The following TJP2 variants were observed in gnomAD, a reference collection of about 807,000 sequenced individuals.
TJP2 encodes tight junction protein 2.
TJP2 carries 91 observed loss-of-function variants against 133.1 expected under a neutral mutation model. The observed-to-expected ratio is 0.68, with a 90% CI of 0.58 to 0.81. The LOEUF (loss-of-function observed/expected upper bound fraction) is 0.81, where lower values mean the gene tolerates loss of function less well. TJP2 is among the 40% of genes least tolerant of loss of function. The pLI is 0.00. For synonymous variants in TJP2, 592 were observed against 583.4 expected (o/e 1.01, Z -0.21); for missense variants, 1,541 against 1,565.6 (o/e 0.98, Z 0.26).
intron 1 of TJP2, among the ~76,000 whole-genome samples, chr9:69,141,444 C>T (rs1587896110): frequency 6.6e-6 from 1 of 151,444 alleles, no homozygotes; most frequent in East Asian, 2.0e-4. Flanking sequence ...TCCCTGTACC[C>T]TCCAGCCAGC....
intron 2 of TJP2, among the ~76,000 whole-genome samples, chr9:69,153,855 G>A (rs1338527927): frequency 6.6e-6 from 1 of 152,194 alleles, no homozygotes; most frequent in Non-Finnish European, 1.5e-5. Context: ...TCTTTCATGT[G>A]TAAACACTTA....
chr9:69,208,570 A>G (rs999242417), intron 1 of TJP2, among the ~76,000 whole-genome samples: 10 of 152,236 alleles, frequency 6.6e-5, no homozygotes, highest in African/African-American at 1.2e-4. Context: ...GAACTCATTT[A>G]TTTGGCTAAA....
In TJP2 at chr9:69,254,821, C is replaced by T; in HGVS notation, c.*447C>T. 4 of 464,272 alleles carry T rather than the reference C, an allele frequency of 8.6e-6. No individual in the cohort carries two copies. Among genetic ancestry groups the T allele is most frequent in the Non-Finnish European group, 1.5e-5 (4 of 265,698 alleles). 28.8% of individuals were successfully genotyped at this position (464,272 alleles called of 1,614,324 possible). ...TTCAAAGAAGTACTTTATTGCAACT[C>T]TTTTAAGTGCCTTGGATGAGAAGTG... On this transcript the variant is annotated 3_prime_UTR_variant, in exon 23 of 23. Coordinates refer to ENST00000377245, the MANE Select transcript of TJP2 (RefSeq NM_004817.4).
At chr9:69,238,584 T>TC (rs1830361302) in intron 15 of TJP2, 126 bp from the exon 16 acceptor site, 1 of 779,932 alleles carries the variant, frequency 1.3e-6, no homozygotes, top group Admixed American at 2.0e-5. Flanking sequence ...TGTGGGTCCT[T>TC]CCCACTGAAT....
chr9:69,134,442 G>A (rs544160046), intron 1 of TJP2, among the ~76,000 whole-genome samples: 48 of 152,320 alleles, frequency 3.2e-4, no homozygotes, highest in African/African-American at 1.2e-3. Flanking sequence ...TGGGCAATGT[G>A]GGGCTGTTGT....
At chr9:69,205,076 C>A in intron 1 of TJP2, 1 of 1,508,898 alleles carries the variant, frequency 6.6e-7, no homozygotes, top group Non-Finnish European at 8.8e-7. Context: ...CTATTGTATC[C>A]GCCTTACGTA....
At chr9:69,162,468 CAT>C (rs1824133570) in intron 2 of TJP2, among the ~76,000 whole-genome samples, 1 of 152,140 alleles carries the variant, frequency 6.6e-6, no homozygotes. Context: ...CTTATTTCCT[CAT>C]TATCTATGCT....
chr9:69,194,604 T>C (rs925509237), intron 1 of TJP2, among the ~76,000 whole-genome samples: 6 of 152,212 alleles, frequency 3.9e-5, no homozygotes, highest in African/African-American at 1.4e-4. Flanking sequence ...TAGTGGTTAC[T>C]GTGTTGGACA....
chr9:69,233,348 ATGAC>A (rs1172966393), intron 11 of TJP2, among the ~76,000 whole-genome samples: 1 of 152,258 alleles, frequency 6.6e-6, no homozygotes, highest in African/African-American at 2.4e-5. Flanking sequence ...GTAATTGTCA[ATGAC>A]TGAAGAAAAT....
intron 1 of TJP2, chr9:69,205,185 T>C (rs543712642): frequency 2.0e-6 from 3 of 1,537,262 alleles, no homozygotes; most frequent in African/African-American, 2.7e-5. Context: ...AAGCCCTACA[T>C]AGGATGTGGA....
At chr9:69,247,080 T>A (rs1250445528) in intron 18 of TJP2, among the ~76,000 whole-genome samples, 2 of 152,246 alleles carry the variant, frequency 1.3e-5, no homozygotes, top group African/African-American at 4.8e-5. Flanking sequence ...GATCTCATGC[T>A]GAGCTCCACA....
At chr9:69,200,915 A>T (rs1826940492) in intron 1 of TJP2, among the ~76,000 whole-genome samples, 1 of 152,098 alleles carries the variant, frequency 6.6e-6, no homozygotes, top group African/African-American at 2.4e-5. Flanking sequence ...AGATGATGAT[A>T]TATATTGACT....
chr9:69,246,705 A>G lies in TJP2; in HGVS notation c.2582A>G (p.Asn861Ser). The G allele has an allele frequency of 6.2e-7, 1 of 1,614,098 alleles. No homozygotes were observed. The highest frequency in any genetic ancestry group is 1.6e-4 in the Middle Eastern group (1 of 6,062). ...ATTTCTATAGCTACAATCAACCTAA[A>G]TTCAGCCAATGATAGCTGGTTTGGC... The part of the protein sequence containing the change: ...AHLFTATINL[N>S]SANDSWFGSL... Residue 861 changes from asparagine (N) to serine (S), a missense_variant, in exon 18 of 23, where the codon AAT becomes AGT. Coordinates refer to ENST00000377245, the MANE Select transcript of TJP2 (RefSeq NM_004817.4).
chr9:69,186,251 G>A (rs1190789591), intron 1 of TJP2, among the ~76,000 whole-genome samples: 3 of 152,102 alleles, frequency 2.0e-5, no homozygotes, highest in African/African-American at 7.2e-5. Context: ...TACTATTACT[G>A]CCCTAAGGTA....
intron 1 of TJP2, among the ~76,000 whole-genome samples, chr9:69,200,531 G>T (rs979945644): frequency 1.3e-5 from 2 of 152,156 alleles, no homozygotes; most frequent in Non-Finnish European, 2.9e-5. Flanking sequence ...AGGACTATAG[G>T]CACATGCCAC....
chr9:69,184,392 G>A (rs1376857543), intron 1 of TJP2, among the ~76,000 whole-genome samples: 2 of 152,172 alleles, frequency 1.3e-5, no homozygotes, highest in Non-Finnish European at 2.9e-5. Context: ...AGCATCTCCA[G>A]CCTTGAGGCT....
At chr9:69,150,173 A>C (rs1823401745) in intron 1 of TJP2, among the ~76,000 whole-genome samples, 1 of 152,140 alleles carries the variant, frequency 6.6e-6, no homozygotes, top group East Asian at 1.9e-4. Flanking sequence ...AACACAAGCC[A>C]GTGTTATAAA....
At chr9:69,238,414 T>A (rs1830347692) in intron 15 of TJP2, among the ~76,000 whole-genome samples, 1 of 152,248 alleles carries the variant, frequency 6.6e-6, no homozygotes, top group Non-Finnish European at 1.5e-5. Flanking sequence ...TTGATTTTTA[T>A]GTCTTTTTGT....
chr9:69,251,308 G>A lies in TJP2; in HGVS notation c.3265G>A (p.Asp1089Asn), dbSNP rs1250390352. ...LGKVKIFEKM[D>N]HKARLQRMQE... ...CAAAGTCAAAATATTTGAGAAGATG[G>A]ATCACAAGGCCAGGTTACAGAGAAT... The change falls in exon 21 of 23, where the codon GAT becomes AAT. Residue 1089 changes from aspartate (D) to asparagine (N), a missense_variant. Asp to Asn is a conservative substitution (Grantham distance 23, BLOSUM62 1). Coordinates refer to ENST00000377245, the MANE Select transcript of TJP2 (RefSeq NM_004817.4). The A allele has an allele frequency of 6.2e-7, 1 of 1,614,180 alleles. No homozygotes were observed. The highest frequency in any genetic ancestry group is 8.5e-7 in the Non-Finnish European group (1 of 1,180,028).
Sources: gnomAD v4.1 joint callset for allele counts (sites outside exome capture counted in the v4.1 genomes callset) on GRCh38, gnomAD v4.1.1 for gene constraint, MANE v1.5 for transcripts, NCBI Gene and HGNC (gene_info 2026-07-23, HGNC 2026-07-21) for gene names.